PCDHGA3: variants seen among roughly 807,000 people sequenced by gnomAD.
PCDHGA3 encodes the protein protocadherin gamma-A3.
A neutral mutation model predicts 58.5 loss-of-function variants in PCDHGA3; 40 were observed. The ratio of observed to expected loss-of-function variants is 0.68; its 90% confidence interval spans 0.53 to 0.89. The LOEUF (loss-of-function observed/expected upper bound fraction) is 0.89, where lower values mean the gene tolerates loss of function less well. PCDHGA3 is among the 40% of genes least tolerant of loss of function. The pLI, the probability that PCDHGA3 is intolerant of heterozygous loss-of-function variation, is 0.00. For missense variants in PCDHGA3, 1,223 were observed against 1,195.9 expected (o/e 1.02, Z -0.33); for synonymous variants, 530 against 525.7 (o/e 1.01, Z -0.11).
chr5:141,419,846 G>T (rs1407937968), intron 1 of PCDHGA3: 2 of 1,614,066 alleles, frequency 1.2e-6, no homozygotes, highest in Non-Finnish European at 1.7e-6. Context: ...GCTGCACCTG[G>T]TGTTCGCAGA....
chr5:141,410,569 T>C (rs908906606), intron 1 of PCDHGA3: 1 of 1,612,242 alleles, frequency 6.2e-7, no homozygotes, highest in African/African-American at 1.3e-5. Context: ...GAGCCTTAAT[T>C]CCACCTCATG....
rs551729279 is a variant in PCDHGA3 at position 141,347,618 on chromosome 5, C to A, written c.2424+1161C>A. Among the ~76,000 whole-genome samples the A allele has an allele frequency of 6.6e-5, 10 of 152,116 alleles. No individual in the cohort carries two copies. In the South Asian group the frequency reaches 2.1e-3, roughly 32 times the overall value. The stretch of plus-strand genomic sequence containing the variant: ...CCTGGCCAACATGGTGAAAGCCTGT[C>A]TCTACTAAAAATACAAAAATTAGCT... On this transcript the variant is annotated intron_variant, in intron 1 of 3. Coordinates refer to ENST00000253812, the MANE Select transcript of PCDHGA3 (RefSeq NM_018916.4).
intron 1 of PCDHGA3, among the ~76,000 whole-genome samples, chr5:141,456,621 G>T (rs6885794): frequency 0.55 from 83,339 of 152,038 alleles, 25,195 homozygotes; most frequent in African/African-American, 0.82. Context: ...CTGTAGATTT[G>T]CCTCTTCTTT....
chr5:141,490,488 C>A lies in PCDHGA3; in HGVS notation c.2425-4319C>A, dbSNP rs142637733. 6.2e-7 allele frequency: 1 copy of A among 1,614,018 alleles called. No homozygotes were observed. Among genetic ancestry groups the A allele is most frequent in the African/African-American group, 1.3e-5 (1 of 74,904 alleles). ...CCAGCCAGCCTTTGGACCGGGAGGC[C>A]ACATCCCACTATATCATCGAGCTGC... On this transcript the variant is annotated intron_variant, in intron 1 of 3. Coordinates refer to ENST00000253812, the MANE Select transcript of PCDHGA3 (RefSeq NM_018916.4). The surrounding 1 kb of genome is among the most constrained non-coding windows in gnomAD (Gnocchi z 5.4).
chr5:141,503,616 A>G (rs1260134621), intron 2 of PCDHGA3, among the ~76,000 whole-genome samples: 2 of 150,944 alleles, frequency 1.3e-5, no homozygotes, highest in African/African-American at 2.4e-5. Context: ...AAAAAAAAAG[A>G]AAAAAGAAAA....
intron 1 of PCDHGA3, chr5:141,416,273 T>C (rs891505781): frequency 8.5e-5 from 13 of 152,298 alleles, no homozygotes; most frequent in African/African-American, 3.1e-4. Flanking sequence ...CCTTTTTGCA[T>C]ACAATTCTCT....
chr5:141,462,408 A>G (rs1240372917), intron 1 of PCDHGA3, among the ~76,000 whole-genome samples: 2 of 152,188 alleles, frequency 1.3e-5, no homozygotes, highest in Non-Finnish European at 2.9e-5. Context: ...ATGGCACAGA[A>G]TATGGTCTAT....
intron 1 of PCDHGA3, chr5:141,374,756 G>A (rs968410543): frequency 2.5e-6 from 4 of 1,612,954 alleles, no homozygotes; most frequent in Non-Finnish European, 2.5e-6. Flanking sequence ...CCGCTCAAGC[G>A]TCGCCCAAAT....
Position 141,490,446 on chromosome 5 carries a change from C to T in PCDHGA3, c.2425-4361C>T, listed in dbSNP as rs779502898. 2.5e-6 allele frequency: 4 copies of T among 1,614,196 alleles called. No homozygotes were observed. The highest frequency in any genetic ancestry group is 3.4e-6 in the Non-Finnish European group (4 of 1,180,016). ...CATTTCAGATTAAGCCTTCTGAGAA[C>T]CACTACTCGCTGCTAACCAGCCAGC... On this transcript the variant is annotated intron_variant, in intron 1 of 3. Coordinates refer to ENST00000253812, the MANE Select transcript of PCDHGA3 (RefSeq NM_018916.4). The surrounding 1 kb of genome is among the most constrained non-coding windows in gnomAD (Gnocchi z 5.4).
rs1264882424 is a variant in PCDHGA3 at position 141,345,421 on chromosome 5, A to G, written c.1388A>G (p.Glu463Gly). ...PHLSYSAYIP[E>G]NNPRGASIFS... The stretch of plus-strand genomic sequence containing the variant: ...TTATCCTACTCCGCCTACATTCCAG[A>G]AAACAACCCCAGAGGAGCCTCCATC... Residue 463 changes from glutamate to glycine, a missense_variant, in exon 1 of 4, where the codon GAA becomes GGA. Physicochemically the swap from Glu to Gly is moderately conservative, Grantham distance 98 (BLOSUM62 -2). This residue lies in a region of PCDHGA3 where 791 missense variants were observed against 708.5 expected (regional missense o/e 1.12). Transcript: ENST00000253812. The G allele has an allele frequency of 1.2e-6, 2 of 1,614,044 alleles. No individual in the cohort carries two copies. Among genetic ancestry groups the G allele is most frequent in the African/African-American group, 2.7e-5 (2 of 74,970 alleles).
At chr5:141,408,818 A>G in intron 1 of PCDHGA3, 1 of 1,613,578 alleles carries the variant, frequency 6.2e-7, no homozygotes, top group South Asian at 1.1e-5. Flanking sequence ...GGAAGAACAG[A>G]GATCTCATAG....
At chr5:141,387,782 A>C in intron 1 of PCDHGA3, 2 of 1,466,298 alleles carry the variant, frequency 1.4e-6, no homozygotes, top group Non-Finnish European at 1.8e-6. Context: ...TTGAACTGGA[A>C]CTGCAACTAA....
intron 1 of PCDHGA3, chr5:141,393,214 A>AT (rs1561641117): frequency 1.2e-6 from 2 of 1,613,518 alleles, no homozygotes; most frequent in East Asian, 2.2e-5. Flanking sequence ...CCAAAATTCC[A>AT]GGTCGAAGAT....
intron 1 of PCDHGA3, chr5:141,364,648 T>C (rs1199111606): frequency 6.2e-7 from 1 of 1,614,082 alleles, no homozygotes; most frequent in Non-Finnish European, 8.5e-7. Context: ...TGGTGAACTT[T>C]AACATCTTGG....
chr5:141,350,892 C>A (rs1256057534), intron 1 of PCDHGA3: 1 of 1,613,928 alleles, frequency 6.2e-7, no homozygotes, highest in Non-Finnish European at 8.5e-7. Context: ...ATCCTGACTG[C>A]CATGGATGGC....
At chr5:141,482,382 T>C (rs935517099) in intron 1 of PCDHGA3, among the ~76,000 whole-genome samples, 1 of 152,146 alleles carries the variant, frequency 6.6e-6, no homozygotes, top group Admixed American at 6.6e-5. Context: ...ATAAAGTCCC[T>C]GTATGGAGCA....
chr5:141,403,663 T>C (rs2094439679), intron 1 of PCDHGA3: 3 of 1,613,900 alleles, frequency 1.9e-6, no homozygotes, highest in African/African-American at 1.3e-5. Flanking sequence ...ATACAAATGA[T>C]AATGCCCCGG....
rs369106233 is a variant in PCDHGA3 at position 141,370,518 on chromosome 5, G to A, written c.2424+24061G>A. 13 of 1,613,886 alleles carry A rather than the reference G, an allele frequency of 8.1e-6. No homozygotes were observed. The African/African-American group carries it at 1.7e-4, about 22-fold the overall frequency. Reference sequence around the variant, plus strand: ...CCGCTACGCTATTCCCGAGGAGCTGGACAGGGGCTCGCTGGTAGGGAACCT... The same window carrying A: ...CCGCTACGCTATTCCCGAGGAGCTGAACAGGGGCTCGCTGGTAGGGAACCT... On this transcript the variant is annotated intron_variant, in intron 1 of 3. Transcript: ENST00000253812.
chr5:141,494,234 A>G (rs1299510042), intron 1 of PCDHGA3, among the ~76,000 whole-genome samples: 1 of 152,138 alleles, frequency 6.6e-6, no homozygotes, highest in Non-Finnish European at 1.5e-5. Context: ...CTAAATTAAT[A>G]ATGTATTTAG....
Sources: gnomAD v4.1 joint callset for allele counts (sites outside exome capture counted in the v4.1 genomes callset) on GRCh38, gnomAD v4.1.1 for gene constraint, gnomAD v4.1.1 regional missense constraint, Gnocchi (gnomAD v3.1) non-coding constraint, MANE v1.5 for transcripts, NCBI Gene and HGNC (gene_info 2026-07-23, HGNC 2026-07-21) for gene names.